ADCY7: variants seen among roughly 807,000 people sequenced by gnomAD.
The protein encoded by ADCY7 is adenylate cyclase type 7.
A neutral mutation model predicts 120.6 loss-of-function variants in ADCY7; 72 were observed. The observed-to-expected ratio is 0.60, with a 90% confidence interval of 0.49 to 0.73. The LOEUF is 0.73. Among genes scored for constraint, ADCY7 ranks in the 30% least tolerant of loss-of-function variants. The pLI, the probability that ADCY7 is intolerant of heterozygous loss-of-function variation, is 0.00. For synonymous variants in ADCY7, 661 were observed against 628.0 expected, an observed-to-expected ratio of 1.05 and a Z score of -0.78; for missense variants, 1,227 against 1,486.0, an observed-to-expected ratio of 0.83 and a Z score of 2.87.
At chr16:50,258,337 T>C (rs904634059) in intron 1 of ADCY7, among the ~76,000 whole-genome samples, 1 of 152,198 alleles carries the variant, frequency 6.6e-6, no homozygotes, top group African/African-American at 2.4e-5. Context: ...TCATTCTCTC[T>C]GTCTTCCATG....
At chr16:50,293,213 T>C (rs1567557202) in intron 5 of ADCY7, 141 bp from the exon 6 acceptor site, 4 of 932,156 alleles carry the variant, frequency 4.3e-6, no homozygotes, top group South Asian at 1.6e-5. Context: ...GATGGGGACA[T>C]TGTGGGCAGG....
chr16:50,291,608 C>A, intron 3 of ADCY7, 128 bp from the exon 4 acceptor site: 3 of 1,023,560 alleles, frequency 2.9e-6, no homozygotes, highest in Non-Finnish European at 4.4e-6. Context: ...TGTCTGCCCA[C>A]GCAGGGGGTG....
intron 7 of ADCY7, 100 bp downstream of exon 7, chr16:50,294,851 G>C (rs1011724122): frequency 1.3e-6 from 1 of 799,750 alleles, no homozygotes; most frequent in South Asian, 1.7e-5. Context: ...ATTGGGATGG[G>C]GAGGCGTGGC....
chr16:50,255,402 G>GGAAAAAAAAAAAAAAAAAAAAAA (rs368044444), intron 1 of ADCY7, among the ~76,000 whole-genome samples: 3 of 108,142 alleles, frequency 2.8e-5, no homozygotes, highest in African/African-American at 1.1e-4. Flanking sequence ...TCTGTTTCTG[G>GGAAAAAAAAAAAAAAAAAAAAAA]AAAAAAAAAA....
intron 1 of ADCY7, among the ~76,000 whole-genome samples, chr16:50,275,660 A>G (rs2033840948): frequency 6.6e-6 from 1 of 152,152 alleles, no homozygotes; most frequent in African/African-American, 2.4e-5. Flanking sequence ...GTGACCAGAA[A>G]TGGCTGTGGA....
chr16:50,246,154 T>TGCCACTGGGGCG (rs1434711031), exon 1 of ADCY7: 10 of 149,364 alleles, frequency 6.7e-5, no homozygotes, highest in Non-Finnish European at 1.5e-4. Flanking sequence ...GCCAGCCCGC[T>TGCCACTGGGGCG]GCCACTGGGG....
rs1027121707 is a variant in ADCY7, at chr16:50,305,646, A to G, written c.1679+60A>G. ...TCTCCCCCTCGGATAGGGGTCCCCT[A>G]TATGGGCAGGCCCATCTCATACCCC... is the stretch of plus-strand genomic sequence containing the variant. On this transcript the variant is annotated intron_variant, in intron 13 of 25. Coordinates refer to ENST00000673801, the MANE Select transcript of ADCY7 (RefSeq NM_001114.5). The G allele has an allele frequency of 4.6e-6, 7 of 1,536,886 alleles. No homozygotes were observed. In the Admixed American group the frequency reaches 8.6e-5, roughly 19 times the overall value.
At chr16:50,259,564 G>T (rs1440999646) in intron 1 of ADCY7, among the ~76,000 whole-genome samples, 2 of 152,240 alleles carry the variant, frequency 1.3e-5, no homozygotes, top group African/African-American at 2.4e-5. Flanking sequence ...GCGTGGCAGA[G>T]ATCGGGGCCC....
chr16:50,291,738 G>T lies in ADCY7; in HGVS notation c.378G>T (p.Val126=), dbSNP rs1022638294. 1.9e-6 allele frequency: 3 copies of T among 1,613,932 alleles called. No individual in the cohort carries two copies. The African/African-American group carries it at 4.0e-5, about 22-fold the overall frequency. The part of the protein sequence containing the change: ...WTKAACAWEQ[V]PFFLFIVFVV... The stretch of plus-strand genomic sequence containing the variant: ...GGCTCACCAGGCTGCATCCACAGGT[G>T]CCCTTCTTCCTGTTCATTGTCTTCG... The change falls in exon 4 of 26, where the codon GTG becomes GTT. Residue 126 remains valine, a splice_region_variant and synonymous_variant. Coordinates refer to ENST00000673801, the MANE Select transcript of ADCY7 (RefSeq NM_001114.5).
chr16:50,308,314 CCCT>C lies in ADCY7; in HGVS notation c.1851-8_1851-6del. The C allele has an allele frequency of 1.2e-6, 2 of 1,614,188 alleles. No individual in the cohort carries two copies. The highest frequency in any genetic ancestry group is 2.2e-5 in the South Asian group (2 of 91,086). ...GGCCCTAGGCAGAACTGAGGTTCTT[CCCT>C]CCTCTCCAGGACGGCGGCACTGGGT... On this transcript the variant is annotated splice_polypyrimidine_tract_variant and intron_variant, in intron 15 of 25. Coordinates refer to ENST00000673801, the MANE Select transcript of ADCY7 (RefSeq NM_001114.5).
At chr16:50,268,731 C>T (rs2150825175) in intron 1 of ADCY7, among the ~76,000 whole-genome samples, 1 of 152,122 alleles carries the variant, frequency 6.6e-6, no homozygotes, top group African/African-American at 2.4e-5. Context: ...AGAAATTGGG[C>T]TGGAGTGTGG....
Position 50,305,487 on chromosome 16 carries a change from G to A in ADCY7, c.1596-16G>A, listed in dbSNP as rs1432322043. 1 of 1,611,666 alleles carries A rather than the reference G, an allele frequency of 6.2e-7. No individual in the cohort carries two copies. The highest frequency in any genetic ancestry group is 1.1e-5 in the South Asian group (1 of 90,844). On this transcript the variant is annotated splice_polypyrimidine_tract_variant and intron_variant, in intron 12 of 25. Coordinates refer to ENST00000673801, the MANE Select transcript of ADCY7 (RefSeq NM_001114.5). ...GTGGTCGCTGTGCTGATGCAGTTGTGGGTATCTGATTCCAGAAGCATGTCC... is the reference window on the plus strand; with the variant it reads ...GTGGTCGCTGTGCTGATGCAGTTGTAGGTATCTGATTCCAGAAGCATGTCC...
chr16:50,305,618 T>C, intron 13 of ADCY7, 32 bp downstream of exon 13: 1 of 1,568,578 alleles, frequency 6.4e-7, no homozygotes, highest in Non-Finnish European at 8.7e-7. Flanking sequence ...CACCCCCCTC[T>C]CCTCTCCCCC....
Position 50,283,070 on chromosome 16 carries a change from C to G in ADCY7, c.-268-4842C>G, listed in dbSNP as rs534411388. Among the ~76,000 whole-genome samples, 35 of 152,256 alleles carry G rather than the reference C, an allele frequency of 2.3e-4. 1 individual carries two copies. The South Asian group carries it at 6.8e-3, about 30-fold the overall frequency. ...CTGGCTGTGTCTGCAGGGGCACACT[C>G]TTACCTCTGTGCTGACTGAGACCCT... On this transcript the variant is annotated intron_variant, in intron 1 of 25. Coordinates refer to ENST00000673801, the MANE Select transcript of ADCY7 (RefSeq NM_001114.5).
chr16:50,290,305 G>C, intron 2 of ADCY7, 152 bp from the exon 3 acceptor site: 1 of 798,420 alleles, frequency 1.3e-6, no homozygotes, highest in Non-Finnish European at 2.0e-6. Flanking sequence ...ACAAAGGCCA[G>C]AAGGTGAGTG....
At chr16:50,254,536 G>T (rs996234015) in intron 1 of ADCY7, among the ~76,000 whole-genome samples, 1 of 152,116 alleles carries the variant, frequency 6.6e-6, no homozygotes. Context: ...CAATAGCCAC[G>T]CGAAAAAATA....
In ADCY7 at chr16:50,298,997, G is replaced by A. The variant is rs777669253; in HGVS notation, c.1042G>A (p.Val348Met). ...VSLPTHARNCVKMGLDMCQAI... is the reference protein window; with the variant it reads ...VSLPTHARNCMKMGLDMCQAI... The stretch of plus-strand genomic sequence containing the variant: ...GCTGCCTACCCACGCCCGGAACTGC[G>A]TGAAGATGGGGCTGGACATGTGCCA... Residue 348 changes from valine (V) to methionine (M), a missense_variant, in exon 8 of 26, where the codon GTG becomes ATG. By Grantham distance (21) the Val-to-Met change is conservative. Around this residue, in one of 5 missense-constraint regions of ADCY7, gnomAD observed 332 missense variants for 455.8 expected, o/e 0.73. Transcript: ENST00000673801. The A allele has an allele frequency of 6.2e-7, 1 of 1,612,822 alleles. No individual in the cohort carries two copies. The highest frequency in any genetic ancestry group is 1.7e-5 in the Admixed American group (1 of 60,014).
chr16:50,308,274 T>TGGTCCTGGGCAGAA, intron 15 of ADCY7, 53 bp from the exon 16 acceptor site: 3 of 1,613,874 alleles, frequency 1.9e-6, no homozygotes, highest in Non-Finnish European at 2.5e-6. Context: ...GTGGGGGCGG[T>TGGTCCTGGGCAGAA]GGTCCTGGGC....
Position 50,304,531 on chromosome 16 carries a change from C to G in ADCY7, c.1540C>G (p.Pro514Ala). The G allele has an allele frequency of 6.4e-7, 1 of 1,562,980 alleles. No homozygotes were observed. The highest frequency in any genetic ancestry group is 8.7e-7 in the Non-Finnish European group (1 of 1,154,060). ...ESVSSGETHV[P>A]NGRRPKSVPQ... ...CGTGAGCAGTGGTGAGACCCACGTC[C>G]CCAACGGGCGGAGGCCTAAGGTAGG... is the stretch of plus-strand genomic sequence containing the variant. The change falls in exon 11 of 26, where the codon CCC becomes GCC. Residue 514 changes from proline to alanine, a missense_variant. Physicochemically the swap from Pro to Ala is conservative, Grantham distance 27. This residue lies in a region of ADCY7 where 332 missense variants were observed against 455.8 expected (regional missense o/e 0.73). Coordinates refer to ENST00000673801, the MANE Select transcript of ADCY7 (RefSeq NM_001114.5).
Sources: allele counts gnomAD v4.1 joint callset (sites outside exome capture counted in the v4.1 genomes callset), GRCh38; gene constraint gnomAD v4.1.1; regional missense constraint gnomAD v4.1.1; transcripts MANE v1.5; gene names NCBI Gene and HGNC (gene_info 2026-07-23, HGNC 2026-07-21).